The following MSI2 variants were observed in gnomAD, a reference collection of about 807,000 sequenced individuals.
The protein encoded by MSI2 is RNA-binding protein Musashi homolog 2.
Under a neutral mutation model 45.6 loss-of-function variants are expected in MSI2, and 17 were observed. The observed-to-expected ratio is 0.37, with a 90% CI of 0.26 to 0.56. The LOEUF (loss-of-function observed/expected upper bound fraction) is 0.56, where lower values mean the gene tolerates loss of function less well. MSI2 is among the 20% of genes least tolerant of loss of function. The pLI is 0.77. For synonymous variants in MSI2, 156 were observed against 158.2 expected, an observed-to-expected ratio of 0.99 and a Z score of 0.11; for missense variants, 293 against 444.2, an observed-to-expected ratio of 0.66 and a Z score of 3.06.
intron 5 of MSI2, among the ~76,000 whole-genome samples, chr17:57,342,879 A>G (rs923820801): frequency 6.6e-6 from 1 of 152,226 alleles, no homozygotes; most frequent in Non-Finnish European, 1.5e-5. Context: ...TGCCATTATA[A>G]GTCTTACTTA....
Position 57,358,393 on chromosome 17 carries a change from C to T in MSI2, c.313-42986C>T, listed in dbSNP as rs1242642252. Among the ~76,000 whole-genome samples the T allele has an allele frequency of 3.9e-5, 6 of 152,222 alleles. No homozygotes were observed. The South Asian group carries it at 1.2e-3, about 32-fold the overall frequency. The stretch of plus-strand genomic sequence containing the variant: ...CCTTGAATGACTCAAGGCTCTGAGG[C>T]CAGGCTGCGTCCATTTGAAGGAAGG... On this transcript the variant is annotated intron_variant, in intron 5 of 13. Transcript: ENST00000284073.
intron 5 of MSI2, among the ~76,000 whole-genome samples, chr17:57,314,541 C>T (rs998955667): frequency 6.7e-6 from 1 of 149,542 alleles, no homozygotes; most frequent in East Asian, 1.9e-4. Context: ...CATATGTGAC[C>T]ACCTGTTCAG....
At chr17:57,636,258 A>G (rs562871952) in intron 10 of MSI2, among the ~76,000 whole-genome samples, 1 of 152,288 alleles carries the variant, frequency 6.6e-6, no homozygotes, top group South Asian at 2.1e-4. Flanking sequence ...TGACCGAGAG[A>G]GAAGCCTTGG....
chr17:57,508,818 G>C (rs2086291175), intron 6 of MSI2, among the ~76,000 whole-genome samples: 1 of 152,198 alleles, frequency 6.6e-6, no homozygotes, highest in African/African-American at 2.4e-5. Context: ...TGGGAGGCTT[G>C]CACCTGGCTG....
chr17:57,502,637 A>ATATATATATATATATATG (rs2086141169), intron 6 of MSI2, among the ~76,000 whole-genome samples: 1 of 110,428 alleles, frequency 9.1e-6, no homozygotes, highest in African/African-American at 3.3e-5. Context: ...ATATATATAT[A>ATATATATATATATATATG]GTCATCATTC....
intron 5 of MSI2, among the ~76,000 whole-genome samples, chr17:57,315,371 C>T (rs1437436773): frequency 6.6e-6 from 1 of 151,056 alleles, no homozygotes; most frequent in African/African-American, 2.4e-5. Flanking sequence ...TCAAGGACCA[C>T]AGACGTGGGG....
intron 6 of MSI2, among the ~76,000 whole-genome samples, chr17:57,494,090 G>A (rs1009146421): frequency 1.3e-5 from 2 of 152,134 alleles, no homozygotes; most frequent in South Asian, 2.1e-4. Context: ...TACCGGGTGC[G>A]ATAAGGCAGT....
At chr17:57,698,398 G>T in the MSI2 span, among the ~76,000 whole-genome samples, 1 of 152,272 alleles carries the variant, frequency 6.6e-6, no homozygotes, top group East Asian at 1.9e-4. Context: ...TTCCTCGGTG[G>T]CTCCCTGGCC....
intron 10 of MSI2, among the ~76,000 whole-genome samples, chr17:57,651,246 G>A (rs921258257): frequency 6.6e-6 from 1 of 152,158 alleles, no homozygotes; most frequent in East Asian, 1.9e-4. Flanking sequence ...CTTGCTGCCC[G>A]GTGCATTTTT....
At chr17:57,370,852 A>C (rs1239207034) in intron 5 of MSI2, among the ~76,000 whole-genome samples, 1 of 152,210 alleles carries the variant, frequency 6.6e-6, no homozygotes, top group Non-Finnish European at 1.5e-5. Context: ...GCCTTATTAG[A>C]GTGAAGAAAC....
intron 6 of MSI2, among the ~76,000 whole-genome samples, chr17:57,455,077 T>C (rs1375883995): frequency 6.6e-6 from 1 of 152,188 alleles, no homozygotes; most frequent in East Asian, 1.9e-4. Context: ...AGCGCCTAGC[T>C]CTCATTCAGG....
chr17:57,502,026 A>G (rs981371878), intron 6 of MSI2, among the ~76,000 whole-genome samples: 1 of 152,132 alleles, frequency 6.6e-6, no homozygotes, highest in African/African-American at 2.4e-5. Context: ...AGAGCAAGAG[A>G]TTCCCCTCAT....
chr17:57,517,726 G>A (rs939791618), intron 6 of MSI2, among the ~76,000 whole-genome samples: 8 of 152,142 alleles, frequency 5.3e-5, no homozygotes, highest in African/African-American at 1.7e-4. Context: ...GGCTGGTGGA[G>A]AGAAAAGGGC....
intron 6 of MSI2, among the ~76,000 whole-genome samples, chr17:57,452,518 T>G (rs1196253175): frequency 6.6e-6 from 1 of 152,236 alleles, no homozygotes; most frequent in East Asian, 1.9e-4. Flanking sequence ...AGCCGAACTG[T>G]TGCAGCAGTC....
chr17:57,429,691 A>G (rs1354098996), intron 6 of MSI2, among the ~76,000 whole-genome samples: 3 of 151,848 alleles, frequency 2.0e-5, no homozygotes, highest in Non-Finnish European at 4.4e-5. Flanking sequence ...CAAACACACC[A>G]TCGGAACAAC....
chr17:57,623,225 G>A (rs148279109), intron 9 of MSI2, among the ~76,000 whole-genome samples: 1 of 152,208 alleles, frequency 6.6e-6, no homozygotes, highest in African/African-American at 2.4e-5. Context: ...CCCAGGCAGT[G>A]CTCTAAACAT....
At chr17:57,575,944 CAAAAAAAAA>C (rs34036311) in intron 7 of MSI2, among the ~76,000 whole-genome samples, 11,701 of 64,402 alleles carry the variant, frequency 0.18, 615 homozygotes, top group East Asian at 0.38. Flanking sequence ...GACTCCGTCT[CAAAAAAAAA>C]AAAAAAAAAA....
intron 6 of MSI2, among the ~76,000 whole-genome samples, chr17:57,469,039 C>T (rs1339268921): frequency 6.6e-6 from 1 of 152,168 alleles, no homozygotes; most frequent in Non-Finnish European, 1.5e-5. Flanking sequence ...CCAGCTCTCA[C>T]CTTCGTTTCT....
At chr17:57,319,917 T>G (rs909496412) in intron 5 of MSI2, among the ~76,000 whole-genome samples, 1 of 151,886 alleles carries the variant, frequency 6.6e-6, no homozygotes, top group African/African-American at 2.4e-5. Context: ...CCCAGCCGAG[T>G]AGGGGTTTTC....
Sources: allele counts gnomAD v4.1 joint callset (sites outside exome capture counted in the v4.1 genomes callset), GRCh38; gene constraint gnomAD v4.1.1; transcripts MANE v1.5; gene names NCBI Gene and HGNC (gene_info 2026-07-23, HGNC 2026-07-21).